INPP4B: variants seen among roughly 807,000 people sequenced by gnomAD.
The protein encoded by INPP4B is inositol polyphosphate 4-phosphatase type II.
A neutral mutation model predicts 122.5 loss-of-function variants in INPP4B; 55 were observed. The ratio of observed to expected loss-of-function variants is 0.45; its 90% CI spans 0.36 to 0.56. INPP4B has a LOEUF of 0.56. Among genes scored for constraint, INPP4B ranks in the 20% least tolerant of loss-of-function variants. INPP4B has a pLI of 0.00. For missense variants in INPP4B, 1,000 were observed against 1,097.7 expected (o/e 0.91, Z 1.26); for synonymous variants, 403 against 388.7 (o/e 1.04, Z -0.43).
At chr4:142,178,806 GT>G (rs965374480) in intron 15 of INPP4B, among the ~76,000 whole-genome samples, 2 of 131,368 alleles carry the variant, frequency 1.5e-5, no homozygotes, top group Admixed American at 8.1e-5. Flanking sequence ...ATTTCCACTT[GT>G]TTTTTTCTAG....
intron 7 of INPP4B, among the ~76,000 whole-genome samples, chr4:142,340,748 C>A (rs1336571141): frequency 6.6e-6 from 1 of 152,066 alleles, no homozygotes; most frequent in Non-Finnish European, 1.5e-5. Flanking sequence ...TGGGGAGGAA[C>A]CTCGGCTTTA....
rs1848033719 is a variant in INPP4B at position 142,218,049 on chromosome 4, T to TGTGA, written c.837-9024_837-9023insTCAC. Among the ~76,000 whole-genome samples the TGTGA allele has an allele frequency of 2.0e-5, 3 of 152,000 alleles. No homozygotes were observed. The South Asian group carries it at 6.3e-4, about 32-fold the overall frequency. On this transcript the variant is annotated intron_variant, in intron 12 of 25. Transcript: ENST00000262992. ...CTTTCTAATAAATTGTGTGTGTGTG[T>TGTGA]GTGTGTGTGTGTTCTATTCTGTTTC...
chr4:142,601,572 C>G (rs1386447718), intron 2 of INPP4B, among the ~76,000 whole-genome samples: 1 of 146,898 alleles, frequency 6.8e-6, no homozygotes, highest in Non-Finnish European at 1.5e-5. Context: ...TAGCAATAAA[C>G]TCCTATGTCA....
At chr4:142,227,240 A>G (rs1851949433) in intron 12 of INPP4B, among the ~76,000 whole-genome samples, 1 of 152,138 alleles carries the variant, frequency 6.6e-6, no homozygotes, top group African/African-American at 2.4e-5. Flanking sequence ...GGAGACACAG[A>G]AGGCATAGCA....
At chr4:142,290,561 G>A (rs1756007736) in intron 9 of INPP4B, among the ~76,000 whole-genome samples, 1 of 151,996 alleles carries the variant, frequency 6.6e-6, no homozygotes, top group Non-Finnish European at 1.5e-5. Flanking sequence ...TTGCCTCATT[G>A]GACTTTTTAC....
At chr4:142,095,797 T>A (rs942582867) in intron 23 of INPP4B, among the ~76,000 whole-genome samples, 5 of 152,142 alleles carry the variant, frequency 3.3e-5, no homozygotes, top group African/African-American at 7.2e-5. Context: ...AGCTTCACGA[T>A]CAAATTTAAC....
chr4:142,144,626 C>A (rs1288056203), intron 18 of INPP4B, among the ~76,000 whole-genome samples: 1 of 151,910 alleles, frequency 6.6e-6, no homozygotes, highest in African/African-American at 2.4e-5. Context: ...AAAAGAAAAT[C>A]CCTACATACA....
intron 3 of INPP4B, among the ~76,000 whole-genome samples, chr4:142,451,397 A>T (rs1372209966): frequency 1.3e-5 from 2 of 151,294 alleles, no homozygotes; most frequent in East Asian, 3.9e-4. Context: ...TTACAGGCAC[A>T]CACCACCACG....
intron 12 of INPP4B, among the ~76,000 whole-genome samples, chr4:142,218,818 T>C (rs375234493): frequency 6.6e-6 from 1 of 152,114 alleles, no homozygotes. Flanking sequence ...CATAAAAAAT[T>C]TATTCACTAG....
chr4:142,467,528 GTTTTT>G (rs750884339), intron 2 of INPP4B, among the ~76,000 whole-genome samples: 1 of 148,664 alleles, frequency 6.7e-6, no homozygotes, highest in Non-Finnish European at 1.5e-5. Context: ...TAAATAACTA[GTTTTT>G]TTTTTGTTTT....
chr4:142,201,101 C>T (rs1840430132), intron 14 of INPP4B, among the ~76,000 whole-genome samples: 1 of 151,954 alleles, frequency 6.6e-6, no homozygotes, highest in South Asian at 2.1e-4. Flanking sequence ...CACTTCAGGT[C>T]TTCAAAAAAC....
chr4:142,178,157 C>T (rs1829183992), intron 15 of INPP4B, among the ~76,000 whole-genome samples: 1 of 152,210 alleles, frequency 6.6e-6, no homozygotes, highest in African/African-American at 2.4e-5. Context: ...CACTCTTCCC[C>T]ATCTTAGATT....
intron 14 of INPP4B, among the ~76,000 whole-genome samples, chr4:142,203,542 G>A (rs529652148): frequency 1.3e-5 from 2 of 152,002 alleles, no homozygotes; most frequent in East Asian, 3.9e-4. Context: ...TTTCATTCTT[G>A]TCACTGCTGG....
chr4:142,563,945 T>C (rs992491734), intron 2 of INPP4B, among the ~76,000 whole-genome samples: 6 of 152,106 alleles, frequency 3.9e-5, no homozygotes, highest in African/African-American at 1.4e-4. Context: ...GTTAGTCCAA[T>C]TGTATCAACA....
intron 2 of INPP4B, among the ~76,000 whole-genome samples, chr4:142,710,841 C>G (rs897820432): frequency 6.6e-6 from 1 of 152,156 alleles, no homozygotes; most frequent in Non-Finnish European, 1.5e-5. Context: ...TTGTTCATAT[C>G]TTGTTAAAAC....
chr4:142,714,261 T>A (rs923271312), intron 2 of INPP4B, among the ~76,000 whole-genome samples: 1 of 152,168 alleles, frequency 6.6e-6, no homozygotes, highest in Non-Finnish European at 1.5e-5. Flanking sequence ...TTCAGGCAAT[T>A]TGACAGACTA....
chr4:142,367,186 A>ATGTGTGTGTGTG (rs764327310), intron 7 of INPP4B, among the ~76,000 whole-genome samples: 7 of 106,416 alleles, frequency 6.6e-5, no homozygotes, highest in African/African-American at 2.3e-4. Context: ...TATACATGTA[A>ATGTGTGTGTGTG]TATGTGTGTG....
chr4:142,519,803 T>A (rs1009767243), intron 2 of INPP4B, among the ~76,000 whole-genome samples: 2 of 152,120 alleles, frequency 1.3e-5, no homozygotes, highest in African/African-American at 4.8e-5. Context: ...TATGATAAAA[T>A]TTGAGAAGAT....
At chr4:142,547,424 T>C (rs1345676828) in intron 2 of INPP4B, among the ~76,000 whole-genome samples, 1 of 152,114 alleles carries the variant, frequency 6.6e-6, no homozygotes, top group East Asian at 1.9e-4. Flanking sequence ...AAATACTGCC[T>C]GAGCAATACC....
Sources: gnomAD v4.1 joint callset for allele counts (sites outside exome capture counted in the v4.1 genomes callset) on GRCh38, gnomAD v4.1.1 for gene constraint, MANE v1.5 for transcripts, NCBI Gene and HGNC (gene_info 2026-07-23, HGNC 2026-07-21) for gene names.